Variants in MICAL2 observed in about 807,000 individuals in gnomAD.
MICAL2 encodes the protein [F-actin]-monooxygenase MICAL2.
MICAL2 carries 77 observed loss-of-function variants against 127.3 expected under a neutral mutation model. That is an observed-to-expected ratio of 0.60 (90% CI 0.50 to 0.73). The LOEUF (loss-of-function observed/expected upper bound fraction) is 0.73, where lower values mean the gene tolerates loss of function less well. Among genes scored for constraint, MICAL2 ranks in the 30% least tolerant of loss-of-function variants. MICAL2 has a pLI of 0.00. For missense variants in MICAL2, 1,351 were observed against 1,434.4 expected (o/e 0.94, Z 0.94); for synonymous variants, 570 against 551.1 (o/e 1.03, Z -0.48).
chr11:12,113,465 G>A (rs1219807240), intron 1 of MICAL2, among the ~76,000 whole-genome samples: 1 of 152,214 alleles, frequency 6.6e-6, no homozygotes, highest in Non-Finnish European at 1.5e-5. Flanking sequence ...AGAATTAAAT[G>A]CTATGGGAAG....
chr11:12,227,290 T>C (rs563840544), intron 15 of MICAL2, 159 bp downstream of exon 15: 20 of 597,246 alleles, frequency 3.3e-5, no homozygotes, highest in Middle Eastern at 4.4e-4. Flanking sequence ...ACTGAGTGTT[T>C]TTGGAAGTTC....
downstream of MICAL2, among the ~76,000 whole-genome samples, chr11:12,360,721 G>C (rs944883255): frequency 6.6e-6 from 1 of 152,292 alleles, no homozygotes; most frequent in South Asian, 2.1e-4. Flanking sequence ...TTGGCCCCTA[G>C]TATTCTGTTA....
chr11:12,347,275 G>A (rs917661620), intron 32 of MICAL2, among the ~76,000 whole-genome samples: 1 of 152,138 alleles, frequency 6.6e-6, no homozygotes, highest in Admixed American at 6.6e-5. Context: ...TGCCCACAGT[G>A]CTTTTTGTTG....
chr11:12,144,380 C>T (rs185262937), intron 2 of MICAL2, among the ~76,000 whole-genome samples: 158 of 152,292 alleles, frequency 1.0e-3, no homozygotes, highest in Non-Finnish European at 1.7e-3. Context: ...GCCATACCTT[C>T]GGGGCTCCCC....
chr11:12,236,231 A>C lies in MICAL2; in HGVS notation c.2050A>C (p.Thr684Pro). The C allele has an allele frequency of 6.2e-7, 1 of 1,614,236 alleles. No homozygotes were observed. Residue 684 changes from threonine (T) to proline (P), a missense_variant, in exon 16 of 28, where the codon ACC becomes CCC. Coordinates refer to ENST00000683283, the MANE Select transcript of MICAL2 (RefSeq NM_001282663.2). ...DMNKRRRKGF[T>P]NLDEPSNFSS... Reference sequence around the variant, plus strand: ...GAACAAACGGAGACGGAAGGGCTTCACCAACCTGGACGAGGTTTGTGTACA... The same window carrying C: ...GAACAAACGGAGACGGAAGGGCTTCCCCAACCTGGACGAGGTTTGTGTACA...
Position 12,332,940 on chromosome 11 carries a change from A to G in MICAL2, c.5515+5674A>G, listed in dbSNP as rs76778642. ...AGATGTACAGGGACACTCCTAGTCT[A>G]TGGAAGACTGGCTCACTCAACAAAT... On this transcript the variant is annotated intron_variant, in intron 32 of 34. Coordinates refer to the MICAL2 transcript ENST00000646065. Among the ~76,000 whole-genome samples, 13 of 152,292 alleles carry G rather than the reference A, an allele frequency of 8.5e-5. No individual in the cohort carries two copies. The East Asian group carries it at 2.3e-3, about 27-fold the overall frequency.
rs1264029696 is a variant in MICAL2 at position 12,260,230 on chromosome 11, C to T, written c.3334+333C>T. On this transcript the variant is annotated intron_variant, in intron 26 of 27. Coordinates refer to ENST00000683283, the MANE Select transcript of MICAL2 (RefSeq NM_001282663.2). ...TCCAGGGAGGCTTCAGATGGCAGTGCGTTTGCAGTTTGCTCAGGCTCTGGC... is the reference window on the plus strand; with the variant it reads ...TCCAGGGAGGCTTCAGATGGCAGTGTGTTTGCAGTTTGCTCAGGCTCTGGC... 17 of 1,446,998 alleles carry T rather than the reference C, an allele frequency of 1.2e-5. No homozygotes were observed. The East Asian group carries it at 1.2e-4, about 11-fold the overall frequency. The allele number at this position is 1,446,998 out of a possible 1,614,324, so 89.6% of individuals were successfully genotyped here.
At chr11:12,174,549 T>C (rs1856628373) in intron 3 of MICAL2, among the ~76,000 whole-genome samples, 2 of 152,228 alleles carry the variant, frequency 1.3e-5, no homozygotes, top group South Asian at 2.1e-4. Flanking sequence ...TTCTATCCTA[T>C]GTATGTACTG....
chr11:12,341,775 C>A (rs866720732), intron 32 of MICAL2, among the ~76,000 whole-genome samples: 8 of 151,692 alleles, frequency 5.3e-5, no homozygotes, highest in African/African-American at 1.9e-4. Context: ...TGTGGTGGGC[C>A]AAAATTGCAC....
chr11:12,199,846 T>A (rs983788777), intron 3 of MICAL2, among the ~76,000 whole-genome samples: 7 of 152,212 alleles, frequency 4.6e-5, no homozygotes, highest in African/African-American at 1.7e-4. Flanking sequence ...TACAATGGAT[T>A]TCCTGCAGGT....
chr11:12,344,434 A>G (rs967727230), intron 32 of MICAL2, among the ~76,000 whole-genome samples: 13 of 150,840 alleles, frequency 8.6e-5, no homozygotes, highest in Non-Finnish European at 1.9e-4. Flanking sequence ...CATATGGAAA[A>G]GAAGCATGAA....
chr11:12,224,883 C>G (rs1857232386), intron 13 of MICAL2, 63 bp downstream of exon 13: 3 of 1,532,580 alleles, frequency 2.0e-6, no homozygotes, highest in African/African-American at 2.8e-5. Context: ...CTGCTGCATG[C>G]AGAATCTTCA....
At chr11:12,151,871 C>T (rs371495930) in intron 2 of MICAL2, among the ~76,000 whole-genome samples, 12 of 152,298 alleles carry the variant, frequency 7.9e-5, no homozygotes, top group Non-Finnish European at 1.6e-4. Context: ...CCACAACACC[C>T]ACCAAGGCTC....
At chr11:12,112,695 C>A (rs887914858) in intron 1 of MICAL2, among the ~76,000 whole-genome samples, 2 of 151,984 alleles carry the variant, frequency 1.3e-5, no homozygotes, top group Admixed American at 6.5e-5. Context: ...TCTGCTCATC[C>A]CCTCTTTCAA....
intron 3 of MICAL2, among the ~76,000 whole-genome samples, chr11:12,185,977 G>A (rs1373528613): frequency 6.6e-6 from 1 of 152,244 alleles, no homozygotes; most frequent in South Asian, 2.1e-4. Flanking sequence ...AAGGAGTCAT[G>A]GAACTAGAGG....
chr11:12,163,176 C>T (rs1480920323), intron 3 of MICAL2, among the ~76,000 whole-genome samples: 1 of 152,208 alleles, frequency 6.6e-6, no homozygotes, highest in Non-Finnish European at 1.5e-5. Context: ...CATCGGCGAA[C>T]ATAGGCTCAC....
At chr11:12,146,915 A>G (rs1292432327) in intron 2 of MICAL2, among the ~76,000 whole-genome samples, 1 of 152,218 alleles carries the variant, frequency 6.6e-6, no homozygotes, top group Non-Finnish European at 1.5e-5. Context: ...TTGTAGGGAC[A>G]TGGATGACGC....
upstream of MICAL2, among the ~76,000 whole-genome samples, chr11:12,272,732 G>A (rs1421582470): frequency 2.0e-5 from 3 of 152,218 alleles, no homozygotes; most frequent in African/African-American, 7.2e-5. Context: ...GGGATTGACT[G>A]GGTTGGCTCC....
At chr11:12,197,201 AG>A (rs1860043152) in intron 3 of MICAL2, among the ~76,000 whole-genome samples, 1 of 152,222 alleles carries the variant, frequency 6.6e-6, no homozygotes, top group Non-Finnish European at 1.5e-5. Flanking sequence ...GAAACCTGGA[AG>A]GATTAATATA....
Sources: gnomAD v4.1 joint callset for allele counts (sites outside exome capture counted in the v4.1 genomes callset) on GRCh38, gnomAD v4.1.1 for gene constraint, MANE v1.5 for transcripts, NCBI Gene and HGNC (gene_info 2026-07-23, HGNC 2026-07-21) for gene names.